The following TCF20 variants were observed in gnomAD, a reference collection of about 807,000 sequenced individuals.
TCF20 encodes transcription factor 20.
In TCF20, 3 loss-of-function variants were observed where a neutral mutation model predicts 148.6. The ratio of observed to expected loss-of-function variants is 0.02; its 90% CI spans 0.01 to 0.05. The LOEUF (loss-of-function observed/expected upper bound fraction) is 0.05, where lower values mean the gene tolerates loss of function less well. Among genes scored for constraint, TCF20 ranks in the 10% least tolerant of loss-of-function variants. The pLI is 1.00. For synonymous variants in TCF20, 1,049 were observed against 909.5 expected, an observed-to-expected ratio of 1.15 and a Z score of -2.76; for missense variants, 2,350 against 2,429.3, an observed-to-expected ratio of 0.97 and a Z score of 0.69.
chr22:42,288,441 C>G (rs374398449), upstream of TCF20, among the ~76,000 whole-genome samples: 7 of 147,820 alleles, frequency 4.7e-5, no homozygotes, highest in African/African-American at 1.8e-4. Flanking sequence ...GAGGCTGAAG[C>G]AGAAGAATCG....
chr22:42,168,475 C>T (rs1935921786), intron 5 of TCF20, 134 bp downstream of exon 5: 2 of 1,325,178 alleles, frequency 1.5e-6, no homozygotes, highest in African/African-American at 2.9e-5. Context: ...AATGGAAGAA[C>T]ACTGCATCCA....
chr22:42,251,044 C>T (rs1480329869), intron 1 of TCF20, among the ~76,000 whole-genome samples: 1 of 152,202 alleles, frequency 6.6e-6, no homozygotes, highest in African/African-American at 2.4e-5. Context: ...AATCCAATCA[C>T]CTCCTACCAG....
At chr22:42,179,021 C>T (rs2147091880) in intron 3 of TCF20, among the ~76,000 whole-genome samples, 1 of 149,266 alleles carries the variant, frequency 6.7e-6, no homozygotes, top group Non-Finnish European at 1.5e-5. Flanking sequence ...TTCATACCCA[C>T]TGGGCTGGCT....
chr22:42,214,499 T>C lies in TCF20; in HGVS notation c.807A>G (p.Gly269=), dbSNP rs776560268. 5.6e-6 allele frequency: 9 copies of C among 1,614,176 alleles called. No individual in the cohort carries two copies. The highest frequency in any genetic ancestry group is 3.3e-4 in the Middle Eastern group (2 of 6,062). Residue 269 remains glycine, a synonymous_variant, in exon 2 of 6, where the codon GGA becomes GGG. Coordinates refer to ENST00000677622, the MANE Select transcript of TCF20 (RefSeq NM_001378418.1). The part of the protein sequence containing the change: ...SYDGSYNVNA[G]SQYEGHNVGS... ...CCACATTGTGTCCTTCATACTGAGATCCAGCATTCACATTGTAACTGCCAT... is the reference window on the plus strand; with the variant it reads ...CCACATTGTGTCCTTCATACTGAGACCCAGCATTCACATTGTAACTGCCAT...
At chr22:42,237,382 G>C (rs980611347) in intron 1 of TCF20, among the ~76,000 whole-genome samples, 2 of 152,028 alleles carry the variant, frequency 1.3e-5, no homozygotes, top group Non-Finnish European at 2.9e-5. Context: ...ACATCTCCAG[G>C]CTCCACTTTT....
At chr22:42,218,035 G>A (rs1410035147) in intron 1 of TCF20, among the ~76,000 whole-genome samples, 1 of 152,218 alleles carries the variant, frequency 6.6e-6, no homozygotes, top group Non-Finnish European at 1.5e-5. Flanking sequence ...TGCCTCTGTT[G>A]CTTTGTTCCA....
At chr22:42,254,028 A>T (rs185649718) in intron 1 of TCF20, among the ~76,000 whole-genome samples, 16 of 148,222 alleles carry the variant, frequency 1.1e-4, no homozygotes, top group Admixed American at 1.0e-3. Flanking sequence ...GTGAGCTGAG[A>T]TCGTGCCATT....
At chr22:42,336,745 C>T (rs1387940787) in intron 1 of TCF20, among the ~76,000 whole-genome samples, 1 of 152,234 alleles carries the variant, frequency 6.6e-6, no homozygotes, top group Non-Finnish European at 1.5e-5. Context: ...AGACCTGCCA[C>T]AGGGCCTTTG....
At chr22:42,172,858 C>T (rs1441259661) in intron 3 of TCF20, among the ~76,000 whole-genome samples, 2 of 152,194 alleles carry the variant, frequency 1.3e-5, no homozygotes, top group Non-Finnish European at 2.9e-5. Context: ...GGCCTGCCAG[C>T]CCCACCCTGC....
chr22:42,249,351 C>T (rs572212255), intron 1 of TCF20, among the ~76,000 whole-genome samples: 17 of 152,316 alleles, frequency 1.1e-4, no homozygotes, highest in Non-Finnish European at 2.1e-4. Context: ...AATAAATTCC[C>T]TCATATCTAT....
intron 1 of TCF20, among the ~76,000 whole-genome samples, chr22:42,308,109 T>C (rs1927467724): frequency 2.0e-5 from 3 of 152,188 alleles, no homozygotes; most frequent in African/African-American, 4.8e-5. Flanking sequence ...TATCGTTAAT[T>C]CAATTCCATA....
At chr22:42,205,035 A>G (rs1938293346) in intron 2 of TCF20, among the ~76,000 whole-genome samples, 4 of 152,014 alleles carry the variant, frequency 2.6e-5, no homozygotes, top group African/African-American at 9.7e-5. Context: ...CAAGGGATCC[A>G]TGGCCACCAG....
chr22:42,170,204 A>T (rs1819935358), intron 3 of TCF20, among the ~76,000 whole-genome samples: 1 of 152,078 alleles, frequency 6.6e-6, no homozygotes, highest in South Asian at 2.1e-4. Context: ...CTACGCATTA[A>T]AAAAAGACTT....
At position 42,204,590 on chromosome 22, in the gene TCF20, A is replaced by G. The variant is rs952322913; in HGVS notation, c.5655+5061T>C. ...CCAGGCACAGTGGCTCAGGCCTGTAATCCCAGCACTTTGGGTGGCTGAGGC... is the reference window on the plus strand; with the variant it reads ...CCAGGCACAGTGGCTCAGGCCTGTAGTCCCAGCACTTTGGGTGGCTGAGGC... On this transcript the variant is annotated intron_variant, in intron 2 of 5. Transcript: ENST00000677622. 5.9e-5 allele frequency among the ~76,000 whole-genome samples: 9 copies of G among 152,244 alleles called. 1 individual carries two copies. Among genetic ancestry groups the G allele is most frequent in the Admixed American group, 3.3e-4 (5 of 15,290 alleles).
chr22:42,208,889 C>T (rs1938576507), intron 2 of TCF20, among the ~76,000 whole-genome samples: 1 of 152,122 alleles, frequency 6.6e-6, no homozygotes, highest in South Asian at 2.1e-4. Context: ...CCAACACAAC[C>T]ATGAAATGAC....
intron 3 of TCF20, among the ~76,000 whole-genome samples, chr22:42,175,539 C>T (rs1364119556): frequency 6.6e-6 from 1 of 152,042 alleles, no homozygotes; most frequent in Non-Finnish European, 1.5e-5. Flanking sequence ...CAGGGTTTCA[C>T]CATGTTGGCC....
chr22:42,209,942 C>A lies in TCF20; in HGVS notation c.5364G>T (p.Arg1788=). Residue 1788 remains arginine (R), a synonymous_variant, in exon 2 of 6, where the codon CGG becomes CGT. Transcript: ENST00000677622. ...RSLAAHPRFK[R]RHRSEDCGGG... ...CACCACAGTCTTCCGAGCGGTGGCG[C>A]CGCTTAAACCTGGGGTGTGCGGCCA... 1 of 1,614,024 alleles carries A rather than the reference C, an allele frequency of 6.2e-7. No individual in the cohort carries two copies. Among genetic ancestry groups the A allele is most frequent in the Non-Finnish European group, 8.5e-7 (1 of 1,180,028 alleles).
At position 42,179,695 on chromosome 22, in the gene TCF20, G is replaced by A. The variant is rs745314668; in HGVS notation, c.5663C>T (p.Ser1888Phe). 3 of 1,613,044 alleles carry A rather than the reference G, an allele frequency of 1.9e-6. No homozygotes were observed. The highest frequency in any genetic ancestry group is 1.7e-6 in the Non-Finnish European group (2 of 1,179,142). Residue 1888 changes from serine (S) to phenylalanine (F), a missense_variant, in exon 3 of 6, where the codon TCC becomes TTC. Transcript: ENST00000677622. ...ALEIAREMKC[S>F]HCQEAGATLG... ...GGTGGCGCCTGCCTCCTGGCAGTGGGAACATTTCTGAAAGGAAGGGAAAAG... is the reference window on the plus strand; with the variant it reads ...GGTGGCGCCTGCCTCCTGGCAGTGGAAACATTTCTGAAAGGAAGGGAAAAG...
upstream of TCF20, chr22:42,274,520 G>A (rs1252681604): frequency 6.6e-6 from 1 of 152,452 alleles, no homozygotes; most frequent in Non-Finnish European, 1.5e-5. Context: ...TTAGGGGTGT[G>A]GGGGAGAGCC....
Sources: gnomAD v4.1 joint callset for allele counts (sites outside exome capture counted in the v4.1 genomes callset) on GRCh38, gnomAD v4.1.1 for gene constraint, MANE v1.5 for transcripts, NCBI Gene and HGNC (gene_info 2026-07-23, HGNC 2026-07-21) for gene names.